The following DPP10 variants were observed in gnomAD, a reference collection of about 807,000 sequenced individuals.
DPP10 encodes the protein inactive dipeptidyl peptidase 10.
A neutral mutation model predicts 120.9 loss-of-function variants in DPP10; 33 were observed. The ratio of observed to expected loss-of-function variants is 0.27; its 90% confidence interval spans 0.21 to 0.37. The LOEUF (loss-of-function observed/expected upper bound fraction) is 0.37. Among genes scored for constraint, DPP10 ranks in the 10% least tolerant of loss-of-function variants. The probability of loss-of-function intolerance (pLI) is 1.00; values close to 1 mark genes in which losing one functional copy is unlikely to be tolerated. For synonymous variants in DPP10, 337 were observed against 326.1 expected, an observed-to-expected ratio of 1.03 and a Z score of -0.36; for missense variants, 816 against 942.8, an observed-to-expected ratio of 0.87 and a Z score of 1.76.
chr2:115,122,559 G>T (rs1274166258), intron 1 of DPP10, among the ~76,000 whole-genome samples: 1 of 152,222 alleles, frequency 6.6e-6, no homozygotes, highest in Non-Finnish European at 1.5e-5. Context: ...ATTAGTGTGT[G>T]TCCTGGCAAT....
At chr2:114,569,025 C>T (rs1384142191) in intron 1 of DPP10, among the ~76,000 whole-genome samples, 1 of 152,128 alleles carries the variant, frequency 6.6e-6, no homozygotes, top group Non-Finnish European at 1.5e-5. Context: ...AGATTTTTGA[C>T]TAAATTGCTT....
At chr2:115,345,097 G>C (rs1462049773) in intron 3 of DPP10, among the ~76,000 whole-genome samples, 2 of 152,082 alleles carry the variant, frequency 1.3e-5, no homozygotes, top group African/African-American at 4.8e-5. Context: ...TTGGTTTTTT[G>C]AATAAATGAA....
chr2:115,460,751 C>T (rs1322546174), intron 3 of DPP10, among the ~76,000 whole-genome samples: 1 of 152,120 alleles, frequency 6.6e-6, no homozygotes, highest in Non-Finnish European at 1.5e-5. Context: ...GATCTGGCTA[C>T]TGCCAGGTCT....
intron 24 of DPP10, among the ~76,000 whole-genome samples, chr2:115,840,342 G>C (rs1209562085): frequency 4.3e-4 from 1 of 2,338 alleles, no homozygotes; most frequent in Non-Finnish European, 1.3e-3. Context: ...TTTTTTTTTT[G>C]AGACGGAGTC....
intron 1 of DPP10, among the ~76,000 whole-genome samples, chr2:114,474,133 A>G (rs1415399807): frequency 6.6e-6 from 1 of 152,074 alleles, no homozygotes; most frequent in South Asian, 2.1e-4. Flanking sequence ...AATATTTTAT[A>G]TCTTCAGTAG....
At chr2:115,336,814 G>T (rs2063167659) in intron 2 of DPP10, among the ~76,000 whole-genome samples, 1 of 151,808 alleles carries the variant, frequency 6.6e-6, no homozygotes, top group African/African-American at 2.4e-5. Flanking sequence ...GTCTCAAAAT[G>T]ATTTACAATC....
intron 1 of DPP10, among the ~76,000 whole-genome samples, chr2:114,567,340 C>A (rs560052059): frequency 6.6e-6 from 1 of 152,114 alleles, no homozygotes; most frequent in African/African-American, 2.4e-5. Context: ...AAGTAAGGAT[C>A]TTTTTTCCTT....
chr2:114,990,750 C>T (rs896723192), intron 1 of DPP10, among the ~76,000 whole-genome samples: 1 of 152,138 alleles, frequency 6.6e-6, no homozygotes, highest in African/African-American at 2.4e-5. Flanking sequence ...AAGTTAACAT[C>T]TTGTTTTCTC....
chr2:115,730,154 T>C (rs1159625689), intron 8 of DPP10, among the ~76,000 whole-genome samples: 2 of 152,158 alleles, frequency 1.3e-5, no homozygotes, highest in African/African-American at 4.8e-5. Context: ...ACCTGGGGTC[T>C]AAGAGTGGAA....
chr2:115,068,194 G>A (rs1467052608), intron 1 of DPP10, among the ~76,000 whole-genome samples: 8 of 151,522 alleles, frequency 5.3e-5, no homozygotes, highest in Admixed American at 1.3e-4. Context: ...GAATGTACAC[G>A]GGTTTCCATT....
chr2:115,508,551 C>A lies in DPP10; in HGVS notation c.366+8947C>A, dbSNP rs549077525. Among the ~76,000 whole-genome samples the A allele has an allele frequency of 3.7e-4, 56 of 152,250 alleles. No homozygotes were observed. In the South Asian group the frequency reaches 0.011, roughly 30 times the overall value. On this transcript the variant is annotated intron_variant, in intron 4 of 25. Transcript: ENST00000410059. ...TACTTTTATTGCTTAATATCCATGTCAGAATTTCTAATGCATTGGCTGTAT... is the reference window on the plus strand; with the variant it reads ...TACTTTTATTGCTTAATATCCATGTAAGAATTTCTAATGCATTGGCTGTAT...
chr2:114,666,772 A>G (rs766719207), intron 1 of DPP10, among the ~76,000 whole-genome samples: 5 of 152,234 alleles, frequency 3.3e-5, no homozygotes, highest in African/African-American at 4.8e-5. Context: ...TAATACTGTT[A>G]TAGCTGTTAG....
intron 1 of DPP10, among the ~76,000 whole-genome samples, chr2:115,307,845 T>C (rs1297446139): frequency 6.6e-6 from 1 of 152,154 alleles, no homozygotes; most frequent in South Asian, 2.1e-4. Flanking sequence ...GGGGACCCAC[T>C]GTATTGATTT....
chr2:115,017,503 T>G (rs952482992), intron 1 of DPP10, among the ~76,000 whole-genome samples: 15 of 152,064 alleles, frequency 9.9e-5, no homozygotes, highest in Non-Finnish European at 1.6e-4. Context: ...CCATTACTGG[T>G]TATATACCCA....
intron 1 of DPP10, among the ~76,000 whole-genome samples, chr2:114,676,859 A>G (rs888744952): frequency 3.3e-5 from 5 of 152,044 alleles, no homozygotes; most frequent in African/African-American, 9.7e-5. Context: ...TAACTTCCCC[A>G]TAATTGAATT....
chr2:115,146,639 T>C (rs2104872366), intron 1 of DPP10, among the ~76,000 whole-genome samples: 2 of 151,850 alleles, frequency 1.3e-5, no homozygotes, highest in South Asian at 4.2e-4. Context: ...TGTATCATTC[T>C]GGTATAGTCT....
At chr2:115,099,110 C>A (rs112425987) in intron 1 of DPP10, among the ~76,000 whole-genome samples, 3,437 of 149,958 alleles carry the variant, frequency 0.023, 117 homozygotes, top group African/African-American at 0.071. Flanking sequence ...GATGGCAAAA[C>A]CCCATCTCTG....
In DPP10 at chr2:115,842,374, A is replaced by G; in HGVS notation, c.*29A>G. On this transcript the variant is annotated 3_prime_UTR_variant, in exon 26 of 26. Coordinates refer to ENST00000410059, the MANE Select transcript of DPP10 (RefSeq NM_020868.6). ...ACTGTATTTATACAGAACTGAAGGG[A>G]ATATTGAGGCTCAATGAAACCTGAC... The G allele has an allele frequency of 6.3e-7, 1 of 1,593,306 alleles. No homozygotes were observed.
At chr2:115,001,038 C>A (rs968401968) in intron 1 of DPP10, among the ~76,000 whole-genome samples, 2 of 152,136 alleles carry the variant, frequency 1.3e-5, no homozygotes, top group African/African-American at 2.4e-5. Flanking sequence ...AAATGTAGAA[C>A]CTATCAAATA....
Sources: allele counts gnomAD v4.1 joint callset (sites outside exome capture counted in the v4.1 genomes callset), GRCh38; gene constraint gnomAD v4.1.1; transcripts MANE v1.5; gene names NCBI Gene and HGNC (gene_info 2026-07-23, HGNC 2026-07-21).